The following REDIC1 variants were observed in gnomAD, a reference collection of about 807,000 sequenced individuals.
REDIC1 encodes the protein regulator of DNA class I crossover intermediates 1, also known as HEI10 Interacting Protein 1.
the REDIC1 span, among the ~76,000 whole-genome samples, chr12:39,668,021 A>T: frequency 6.6e-6 from 1 of 151,848 alleles, no homozygotes; most frequent in Admixed American, 6.6e-5. Context: ...TCTTTATCCA[A>T]TTTTCCACTC....
At chr12:39,708,074 G>C in the REDIC1 span, among the ~76,000 whole-genome samples, 1 of 151,822 alleles carries the variant, frequency 6.6e-6, no homozygotes, top group East Asian at 1.9e-4. Context: ...CAATTAGAAA[G>C]AATGAATAAG....
At chr12:39,829,689 A>C in the REDIC1 span, 1 of 180,718 alleles carries the variant, frequency 5.5e-6, no homozygotes, top group African/African-American at 2.4e-5. Flanking sequence ...CTGGGATTAC[A>C]GTCGTGATGC....
the REDIC1 span, among the ~76,000 whole-genome samples, chr12:39,802,662 CATATTT>C: frequency 1.9e-4 from 29 of 152,052 alleles, no homozygotes; most frequent in Non-Finnish European, 3.7e-4. Flanking sequence ...TATATAGTTA[CATATTT>C]ATATTTATAT....
chr12:39,905,167 G>GA, the REDIC1 span, among the ~76,000 whole-genome samples: 2 of 152,072 alleles, frequency 1.3e-5, no homozygotes, highest in Non-Finnish European at 2.9e-5. Context: ...GAACAACTAA[G>GA]AAAAATGCTT....
At chr12:39,665,820 A>C in the REDIC1 span, among the ~76,000 whole-genome samples, 2 of 151,930 alleles carry the variant, frequency 1.3e-5, no homozygotes, top group African/African-American at 4.8e-5. Flanking sequence ...TAGGTATTTT[A>C]TTCTCTTGGA....
the REDIC1 span, chr12:39,745,822 A>T: frequency 2.0e-4 from 31 of 152,254 alleles, no homozygotes; most frequent in African/African-American, 7.5e-4. Flanking sequence ...TAATGTAAGC[A>T]TGGTGCCATG....
the REDIC1 span, among the ~76,000 whole-genome samples, chr12:39,857,138 CT>C: frequency 6.6e-6 from 1 of 152,182 alleles, no homozygotes; most frequent in Non-Finnish European, 1.5e-5. Context: ...GTTTTTCCCC[CT>C]TTATCTTGTT....
chr12:39,851,480 G>C, the REDIC1 span, among the ~76,000 whole-genome samples: 5 of 152,124 alleles, frequency 3.3e-5, no homozygotes, highest in Non-Finnish European at 5.9e-5. Context: ...TAGTGTAAAG[G>C]TTAGTGATTT....
At chr12:39,853,536 TTTC>T in the REDIC1 span, among the ~76,000 whole-genome samples, 1 of 151,826 alleles carries the variant, frequency 6.6e-6, no homozygotes, top group South Asian at 2.1e-4. Context: ...TTTTTTCTCC[TTTC>T]TTTTCTTTTC....
the REDIC1 span, among the ~76,000 whole-genome samples, chr12:39,671,421 C>T: frequency 6.6e-6 from 1 of 152,152 alleles, no homozygotes; most frequent in African/African-American, 2.4e-5. Context: ...GCCCCAATTG[C>T]ATGCTGAGTG....
chr12:39,640,615 C>T, the REDIC1 span, among the ~76,000 whole-genome samples: 98 of 151,812 alleles, frequency 6.5e-4, no homozygotes, highest in Non-Finnish European at 1.3e-3. Context: ...AGAATGTTGA[C>T]AGAGAATATT....
At chr12:39,896,201 T>A in the REDIC1 span, among the ~76,000 whole-genome samples, 1 of 148,532 alleles carries the variant, frequency 6.7e-6, no homozygotes, top group Non-Finnish European at 1.5e-5. Flanking sequence ...TATGTGTATG[T>A]ATACATGTAT....
At chr12:39,656,482 CATA>C in the REDIC1 span, among the ~76,000 whole-genome samples, 24 of 152,130 alleles carry the variant, frequency 1.6e-4, no homozygotes, top group South Asian at 1.9e-3. Flanking sequence ...ATGTATAATA[CATA>C]ATAATTGATA....
the REDIC1 span, among the ~76,000 whole-genome samples, chr12:39,752,989 G>T: frequency 1.3e-5 from 2 of 152,194 alleles, 1 homozygote; most frequent in South Asian, 4.1e-4. Context: ...AGGTGGCGAG[G>T]CCCGCAGATT....
chr12:39,892,669 T>C, the REDIC1 span, among the ~76,000 whole-genome samples: 1 of 152,174 alleles, frequency 6.6e-6, no homozygotes, highest in African/African-American at 2.4e-5. Flanking sequence ...TTAATAAATA[T>C]AAATAGTAGC....
the REDIC1 span, among the ~76,000 whole-genome samples, chr12:39,781,310 A>G: frequency 6.6e-6 from 1 of 152,136 alleles, no homozygotes; most frequent in African/African-American, 2.4e-5. Context: ...CACAAAGAAA[A>G]TCATGTCACA....
chr12:39,864,564 C>T, the REDIC1 span, among the ~76,000 whole-genome samples: 1 of 152,176 alleles, frequency 6.6e-6, no homozygotes, highest in South Asian at 2.1e-4. Context: ...CTCCTTAATT[C>T]CTTACACTCA....
At chr12:39,723,532 TATAA>T in the REDIC1 span, among the ~76,000 whole-genome samples, 1 of 152,080 alleles carries the variant, frequency 6.6e-6, no homozygotes, top group Non-Finnish European at 1.5e-5. Context: ...CTGATGAAAA[TATAA>T]ATAAAAAGCA....
chr12:39,757,979 T>C, the REDIC1 span: 1 of 152,074 alleles, frequency 6.6e-6, no homozygotes, highest in Admixed American at 6.6e-5. Context: ...GATTGTACCA[T>C]ATAGTAGCTT....
Sources: allele counts gnomAD v4.1 joint callset (sites outside exome capture counted in the v4.1 genomes callset), GRCh38; gene constraint gnomAD v4.1.1; transcripts MANE v1.5; gene names NCBI Gene and HGNC (gene_info 2026-07-23, HGNC 2026-07-21).